The following SH2B2 variants were observed in gnomAD, a reference collection of about 807,000 sequenced individuals.
The protein encoded by SH2B2 is SH2B adapter protein 2.
SH2B2 carries 37 observed loss-of-function variants against 35.7 expected under a neutral mutation model. The observed-to-expected ratio is 1.04, with a 90% confidence interval of 0.80 to 1.36. The LOEUF is 1.36. Ranked by LOEUF, SH2B2 falls within the 40% of genes most tolerant of loss-of-function variation. SH2B2 has a pLI of 0.00. For missense variants in SH2B2, 852 were observed against 817.7 expected, an observed-to-expected ratio of 1.04 and a Z score of -0.51; for synonymous variants, 383 against 376.4, an observed-to-expected ratio of 1.02 and a Z score of -0.20.
chr7:102,286,242 C>T (rs1554550823), upstream of SH2B2, among the ~76,000 whole-genome samples: 1 of 152,222 alleles, frequency 6.6e-6, no homozygotes, highest in African/African-American at 2.4e-5. Flanking sequence ...GCCCTGTGGC[C>T]CGGGGGCGAT....
chr7:102,306,560 C>T (rs1457416448), intron 2 of SH2B2, among the ~76,000 whole-genome samples, 161 bp from the exon 3 acceptor site: 2 of 152,360 alleles, frequency 1.3e-5, no homozygotes, highest in Non-Finnish European at 2.9e-5. Context: ...GAAATGCCTT[C>T]CTCAGCTTCC....
At chr7:102,295,814 A>G (rs992891399) in intron 1 of SH2B2, among the ~76,000 whole-genome samples, 4 of 152,094 alleles carry the variant, frequency 2.6e-5, no homozygotes, top group Non-Finnish European at 5.9e-5. Context: ...CGGGGCAGGG[A>G]AAAGGTCAGG....
intron 2 of SH2B2, among the ~76,000 whole-genome samples, chr7:102,306,330 C>T (rs536939986): frequency 6.4e-4 from 91 of 141,112 alleles, no homozygotes; most frequent in Middle Eastern, 7.1e-3. Context: ...TTCAGGTGAT[C>T]CGCCCGCCTC....
chr7:102,319,768 TGCCTCACACAG>T (rs1554557880), intron 7 of SH2B2, among the ~76,000 whole-genome samples: 2 of 152,126 alleles, frequency 1.3e-5, no homozygotes, highest in East Asian at 3.9e-4. Flanking sequence ...CTGAGGCACC[TGCCTCACACAG>T]GCCCTAGAGA....
chr7:102,296,465 C>G (rs1382120468), intron 1 of SH2B2, among the ~76,000 whole-genome samples: 4 of 152,206 alleles, frequency 2.6e-5, no homozygotes, highest in Non-Finnish European at 5.9e-5. Context: ...ACTCCCCAGG[C>G]ACTACATCAC....
At chr7:102,293,967 G>C (rs1162861188) in intron 1 of SH2B2, among the ~76,000 whole-genome samples, 1 of 152,074 alleles carries the variant, frequency 6.6e-6, no homozygotes, top group South Asian at 2.1e-4. Flanking sequence ...AAAGACCATA[G>C]GGTCTTGGAG....
chr7:102,308,981 T>C (rs1793509902), intron 4 of SH2B2, 75 bp downstream of exon 4: 2 of 1,178,728 alleles, frequency 1.7e-6, no homozygotes, highest in Admixed American at 1.7e-5. Context: ...CAGGAGCAGC[T>C]TCCTAGCAGG....
At chr7:102,294,248 G>A (rs529144549) in intron 1 of SH2B2, among the ~76,000 whole-genome samples, 59 of 152,162 alleles carry the variant, frequency 3.9e-4, no homozygotes, top group African/African-American at 1.2e-3. Context: ...GGCTGCTCTC[G>A]AACTCCTGAG....
intron 7 of SH2B2, among the ~76,000 whole-genome samples, 177 bp downstream of exon 7, chr7:102,317,572 T>C (rs1554557349): frequency 6.6e-6 from 1 of 152,152 alleles, no homozygotes; most frequent in Non-Finnish European, 1.5e-5. Context: ...GCGTCCCTCC[T>C]ACACATCACT....
Position 102,320,358 on chromosome 7 carries a change from G to C in SH2B2, c.1423G>C (p.Gly475Arg). Residue 475 changes from glycine to arginine, a missense_variant, in exon 8 of 9, where the codon GGC (glycine) becomes CGC (arginine). Physicochemically the swap from Gly to Arg is moderately radical, Grantham distance 125 (BLOSUM62 -2). This residue lies in a region of SH2B2 where 556 missense variants were observed against 514.5 expected (regional missense o/e 1.08). Coordinates refer to ENST00000444095, the MANE Select transcript of SH2B2 (RefSeq NM_001359228.2). ...CCTGCGCCTGTCCCTGAACGGCCAC[G>C]GCCAGTGTCACGTACAGCATCTGTG... Reference protein sequence around the residue: ...KHLRLSLNGHGQCHVQHLWFQ... With the variant: ...KHLRLSLNGHRQCHVQHLWFQ... 6.2e-7 allele frequency: 1 copy of C among 1,612,712 alleles called. No individual in the cohort carries two copies.
Position 102,314,385 on chromosome 7 carries a change from G to T in SH2B2, c.973G>T (p.Ala325Ser), listed in dbSNP as rs1801728. 1 of 398,782 alleles carries T rather than the reference G, an allele frequency of 2.5e-6. No individual in the cohort carries two copies. The highest frequency in any genetic ancestry group is 2.1e-5 in the African/African-American group (1 of 48,738). The allele number at this position is 398,782 out of a possible 1,614,324, so 24.7% of individuals were successfully genotyped here. ...CTCCTGTACCCGAGGAGGCTGTCTG[G>T]CCAGCCGCGTGGCCTCCTGCAGCTG... Reference protein sequence around the residue: ...ELSCTRGGCLASRVASCSCEL... With the variant: ...ELSCTRGGCLSSRVASCSCEL... The change falls in exon 5 of 9, where the codon GCC becomes TCC. Residue 325 changes from alanine to serine, a missense_variant. This residue lies in a region of SH2B2 where 556 missense variants were observed against 514.5 expected (regional missense o/e 1.08). Coordinates refer to ENST00000444095, the MANE Select transcript of SH2B2 (RefSeq NM_001359228.2).
chr7:102,307,984 T>C (rs111590056), intron 3 of SH2B2, among the ~76,000 whole-genome samples: 7,376 of 152,290 alleles, frequency 0.048, 242 homozygotes, highest in South Asian at 0.13. Flanking sequence ...TTGCCCAGGC[T>C]GGTCTCGAAC....
chr7:102,299,486 C>T (rs1458240926), intron 1 of SH2B2, among the ~76,000 whole-genome samples: 3 of 152,018 alleles, frequency 2.0e-5, no homozygotes, highest in African/African-American at 4.8e-5. Flanking sequence ...CATGCGCCAC[C>T]GCACATGGCA....
Position 102,311,814 on chromosome 7 carries a change from C to T in SH2B2, c.924-2522C>T, listed in dbSNP as rs189055586. 1.4e-3 allele frequency among the ~76,000 whole-genome samples: 213 copies of T among 152,106 alleles called. 1 individual carries two copies. The highest frequency in any genetic ancestry group is 4.9e-3 in the African/African-American group (202 of 41,512). ...GGGGAGGGCTGGGCGTGGTGGTGCA[C>T]GCCTGTAATCCCAGCACTTTGGGAG... On this transcript the variant is annotated intron_variant, in intron 4 of 8. Transcript: ENST00000444095.
At position 102,314,430 on chromosome 7, in the gene SH2B2, A is replaced by C; in HGVS notation, c.1015+3A>C. On this transcript the variant is annotated splice_donor_region_variant and intron_variant, in intron 5 of 8. Transcript: ENST00000444095. ...CAGCTGTGAGCTCCTGACTGATGGT[A>C]GGTAGGGGGACAGGGTTGAAGGAGG... The C allele has an allele frequency of 2.5e-6, 1 of 398,718 alleles. No homozygotes were observed. The highest frequency in any genetic ancestry group is 4.4e-6 in the Non-Finnish European group (1 of 226,220). The allele number at this position is 398,718 out of a possible 1,614,324, so 24.7% of individuals were successfully genotyped here.
At chr7:102,287,891 G>T (rs111347719) in intron 1 of SH2B2, among the ~76,000 whole-genome samples, 10 of 152,186 alleles carry the variant, frequency 6.6e-5, no homozygotes, top group Non-Finnish European at 1.3e-4. Context: ...AAGGCAGACC[G>T]GGCAGCCCCA....
intron 1 of SH2B2, among the ~76,000 whole-genome samples, chr7:102,294,702 C>T (rs1792832861): frequency 6.6e-6 from 1 of 152,162 alleles, no homozygotes; most frequent in Non-Finnish European, 1.5e-5. Flanking sequence ...ACAGCCAGGC[C>T]CCCTTCCCTG....
At position 102,306,761 on chromosome 7, in the gene SH2B2, T is replaced by C. The variant is rs782574814; in HGVS notation, c.770T>C (p.Ile257Thr). ...PKVSIPLSAI[I>T]EVRTTMPLEM... ...GTCAGCATCCCACTGTCAGCCATCA[T>C]TGAGGTCCGCACCACCATGCCCCTG... The change falls in exon 3 of 9, where the codon ATT (isoleucine) becomes ACT (threonine). Residue 257 changes from isoleucine (I) to threonine (T), a missense_variant. This residue lies in a region of SH2B2 where 556 missense variants were observed against 514.5 expected (regional missense o/e 1.08). Transcript: ENST00000444095. 6 of 1,601,316 alleles carry C rather than the reference T, an allele frequency of 3.7e-6. No homozygotes were observed. The highest frequency in any genetic ancestry group is 2.3e-5 in the South Asian group (2 of 88,312).
chr7:102,310,985 A>C (rs1341813716), intron 4 of SH2B2, among the ~76,000 whole-genome samples: 1 of 152,256 alleles, frequency 6.6e-6, no homozygotes, highest in African/African-American at 2.4e-5. Context: ...ATCCGGGCCA[A>C]GAGAGAGCCT....
Sources: allele counts gnomAD v4.1 joint callset (sites outside exome capture counted in the v4.1 genomes callset), GRCh38; gene constraint gnomAD v4.1.1; regional missense constraint gnomAD v4.1.1; transcripts MANE v1.5; gene names NCBI Gene and HGNC (gene_info 2026-07-23, HGNC 2026-07-21).